Variants in ZNF385D observed in about 807,000 individuals in gnomAD.
ZNF385D encodes the protein zinc finger protein 385D, also known as zinc finger protein 659.
Under a neutral mutation model 35.8 loss-of-function variants are expected in ZNF385D, and 15 were observed. The observed-to-expected ratio is 0.42, with a 90% CI of 0.28 to 0.64. The LOEUF is 0.64. Ranked by LOEUF, ZNF385D falls within the 30% of genes least tolerant of loss-of-function variation. The pLI is 0.23. For synonymous variants in ZNF385D, 212 were observed against 186.8 expected, an observed-to-expected ratio of 1.13 and a Z score of -1.10; for missense variants, 474 against 494.6, an observed-to-expected ratio of 0.96 and a Z score of 0.39.
intron 3 of ZNF385D, among the ~76,000 whole-genome samples, chr3:21,969,189 A>C (rs761166259): frequency 2.8e-4 from 43 of 152,184 alleles, no homozygotes; most frequent in Admixed American, 1.2e-3. Context: ...GTGGCAGCTC[A>C]GCCACAGTAG....
rs1375406249 is a variant in ZNF385D, at chr3:21,615,816, G to GTGTGTGTGTGTGTGTT, written c.165+49069_165+49070insAACACACACACACACA. Among the ~76,000 whole-genome samples the GTGTGTGTGTGTGTGTT allele has an allele frequency of 8.7e-4, 131 of 151,312 alleles. 1 individual carries two copies. The highest frequency in any genetic ancestry group is 3.2e-3 in the African/African-American group (130 of 41,106). ...AGAGTGTGTGTGTGTGTGTGTGTGTGTTTACTGGTTAAAAAAATCAATTTG... is the reference window on the plus strand; with the variant it reads ...AGAGTGTGTGTGTGTGTGTGTGTGTGTGTGTGTGTGTGTGTTTTTACTGGTTAAAAAAATCAATTTG... On this transcript the variant is annotated intron_variant, in intron 2 of 7. Transcript: ENST00000281523.
chr3:22,013,374 A>C (rs1251828659), intron 3 of ZNF385D, among the ~76,000 whole-genome samples: 1 of 152,178 alleles, frequency 6.6e-6, no homozygotes, highest in East Asian at 1.9e-4. Context: ...GATGATGATC[A>C]CTGAGAAACC....
intron 2 of ZNF385D, among the ~76,000 whole-genome samples, chr3:21,566,315 G>A (rs1380615731): frequency 2.6e-5 from 4 of 152,010 alleles, no homozygotes; most frequent in African/African-American, 7.2e-5. Context: ...TTGTTTTTCT[G>A]GTCACTTTTA....
At chr3:22,303,251 T>G (rs530470074) in intron 2 of ZNF385D, among the ~76,000 whole-genome samples, 1 of 152,286 alleles carries the variant, frequency 6.6e-6, no homozygotes, top group African/African-American at 2.4e-5. Flanking sequence ...TGGTACTGTC[T>G]TACTTCACAG....
intron 3 of ZNF385D, among the ~76,000 whole-genome samples, chr3:21,873,263 A>G (rs73040554): frequency 0.011 from 1,647 of 152,174 alleles, 17 homozygotes; most frequent in Non-Finnish European, 0.017. Flanking sequence ...ATACAGAATC[A>G]TATGTTATAA....
At chr3:21,443,833 A>T (rs559586947) in intron 4 of ZNF385D, among the ~76,000 whole-genome samples, 2 of 152,304 alleles carry the variant, frequency 1.3e-5, no homozygotes, top group South Asian at 4.1e-4. Context: ...AATTTTAGAA[A>T]GGAGATTTTA....
At chr3:21,945,305 T>G (rs1026299182) in intron 3 of ZNF385D, among the ~76,000 whole-genome samples, 1 of 152,122 alleles carries the variant, frequency 6.6e-6, no homozygotes, top group Non-Finnish European at 1.5e-5. Flanking sequence ...ATAGAGTTTG[T>G]GAATATTGTC....
At chr3:21,507,974 CTT>C (rs1304597187) in intron 4 of ZNF385D, among the ~76,000 whole-genome samples, 2 of 152,134 alleles carry the variant, frequency 1.3e-5, no homozygotes, top group Non-Finnish European at 2.9e-5. Context: ...TGCTGGAACT[CTT>C]AGCCTCTCAA....
At chr3:22,020,549 A>C (rs560423897) in intron 3 of ZNF385D, among the ~76,000 whole-genome samples, 1 of 152,108 alleles carries the variant, frequency 6.6e-6, no homozygotes, top group East Asian at 1.9e-4. Context: ...CAATCACCAG[A>C]TAAATGCAAA....
chr3:21,437,195 C>A lies in ZNF385D; in HGVS notation c.448G>T (p.Ala150Ser), dbSNP rs775745369. ...NTSSDKTDGT[A>S]GTPAISTTTT... ...GTCGTTGATATTGCTGGTGTCCCTG[C>A]AGTACCGTCTGTATTCAAAATAACA... Residue 150 changes from alanine to serine, a missense_variant, in exon 5 of 8, where the codon GCA becomes TCA. Coordinates refer to ENST00000281523, the MANE Select transcript of ZNF385D (RefSeq NM_024697.3). 2 of 1,612,924 alleles carry A rather than the reference C, an allele frequency of 1.2e-6. No homozygotes were observed. Among genetic ancestry groups the A allele is most frequent in the South Asian group, 2.2e-5 (2 of 90,984 alleles).
intron 1 of ZNF385D, 131 bp downstream of exon 1, chr3:21,750,764 T>C (rs2070035437): frequency 9.1e-7 from 1 of 1,093,880 alleles, no homozygotes; most frequent in Non-Finnish European, 1.4e-6. Flanking sequence ...ACCGGCTTGG[T>C]CCTCCAGTTG....
At chr3:21,515,761 G>T (rs1399649558) in intron 3 of ZNF385D, among the ~76,000 whole-genome samples, 1 of 152,168 alleles carries the variant, frequency 6.6e-6, no homozygotes, top group South Asian at 2.1e-4. Context: ...ACCTTGTTCA[G>T]GGCTGAAACC....
intron 3 of ZNF385D, among the ~76,000 whole-genome samples, chr3:22,107,198 T>C (rs1309596039): frequency 6.6e-6 from 1 of 151,762 alleles, no homozygotes; most frequent in Non-Finnish European, 1.5e-5. Flanking sequence ...TAATTTTTTA[T>C]TCTTAATAGA....
In ZNF385D at chr3:22,287,133, C is replaced by T. The variant is rs181864684; in HGVS notation, c.106+85317G>A. ...CACTTTATTATTATATAATGGCCTT[C>T]TTTTTCTTTTGTGACAGTTTTTTTA... On this transcript the variant is annotated intron_variant, in intron 2 of 5. Transcript: ENST00000494108. 4.4e-3 allele frequency among the ~76,000 whole-genome samples: 663 copies of T among 151,970 alleles called. 6 individuals carry two copies. Among genetic ancestry groups the T allele is most frequent in the South Asian group, 7.9e-3 (38 of 4,820 alleles).
intron 3 of ZNF385D, among the ~76,000 whole-genome samples, chr3:21,555,038 A>G (rs538803288): frequency 1.3e-5 from 2 of 152,140 alleles, no homozygotes; most frequent in African/African-American, 4.8e-5. Context: ...AATTACCTTC[A>G]AGAACTTTTA....
At chr3:22,370,782 G>A (rs1281273395) in intron 2 of ZNF385D, among the ~76,000 whole-genome samples, 2 of 152,170 alleles carry the variant, frequency 1.3e-5, no homozygotes, top group Non-Finnish European at 2.9e-5. Context: ...TACGTTAGCT[G>A]TAGAGTTTGG....
chr3:22,306,483 T>C (rs1703226372), intron 2 of ZNF385D, among the ~76,000 whole-genome samples: 2 of 152,088 alleles, frequency 1.3e-5, no homozygotes, highest in Non-Finnish European at 2.9e-5. Flanking sequence ...ATAATAGTTC[T>C]ACAATAATAG....
chr3:22,152,371 T>G (rs1049392379), intron 3 of ZNF385D, among the ~76,000 whole-genome samples: 4 of 152,158 alleles, frequency 2.6e-5, no homozygotes, highest in Non-Finnish European at 5.9e-5. Context: ...TCTCCTATCA[T>G]TGCTAGAGCA....
chr3:21,450,490 T>C (rs1178006135), intron 4 of ZNF385D, among the ~76,000 whole-genome samples: 2 of 152,190 alleles, frequency 1.3e-5, no homozygotes, highest in African/African-American at 4.8e-5. Context: ...TTAAAAACTT[T>C]TTTCAAGTTG....
Sources: allele counts gnomAD v4.1 joint callset (sites outside exome capture counted in the v4.1 genomes callset), GRCh38; gene constraint gnomAD v4.1.1; transcripts MANE v1.5; gene names NCBI Gene and HGNC (gene_info 2026-07-23, HGNC 2026-07-21).